POTEE: variants seen among roughly 807,000 people sequenced by gnomAD.
POTEE encodes POTE ankyrin domain family member E, also known as ANKRD26-like family C member 1A.
POTEE carries 21 observed loss-of-function variants against 74.2 expected under a neutral mutation model. The ratio of observed to expected loss-of-function variants is 0.28; its 90% CI spans 0.20 to 0.41. The LOEUF (loss-of-function observed/expected upper bound fraction) is 0.41, where lower values mean the gene tolerates loss of function less well. Ranked by LOEUF, POTEE falls within the 10% of genes least tolerant of loss-of-function variation. POTEE has a pLI of 1.00. For synonymous variants in POTEE, 211 were observed against 432.8 expected, an observed-to-expected ratio of 0.49 and a Z score of 6.36; for missense variants, 525 against 1,158.6, an observed-to-expected ratio of 0.45 and a Z score of 7.94.
At chr2:131,225,197 C>T (rs1291267020) in intron 6 of POTEE, among the ~76,000 whole-genome samples, 5 of 151,988 alleles carry the variant, frequency 3.3e-5, no homozygotes, top group Non-Finnish European at 4.4e-5. Flanking sequence ...TAGGCTTTTT[C>T]TGAATATTTT....
Position 131,262,783 on chromosome 2 carries a change from C to A in POTEE, c.1900-572C>A, listed in dbSNP as rs545364899. Among the ~76,000 whole-genome samples the A allele has an allele frequency of 5.8e-3, 886 of 152,262 alleles. 1 individual carries two copies. Among genetic ancestry groups the A allele is most frequent in the African/African-American group, 0.02 (811 of 41,474 alleles). On this transcript the variant is annotated intron_variant, in intron 17 of 17. Coordinates refer to ENST00000683005, the MANE Select transcript of POTEE (RefSeq NM_001083538.3). Reference sequence around the variant, plus strand: ...AGAAGGGTACAGTGCTTAGATTTGACAGTTATAAATAAATGTAATTCTTAT... The same window carrying A: ...AGAAGGGTACAGTGCTTAGATTTGAAAGTTATAAATAAATGTAATTCTTAT...
chr2:131,258,499 T>G (rs1421301700), intron 16 of POTEE, among the ~76,000 whole-genome samples: 1 of 146,474 alleles, frequency 6.8e-6, no homozygotes, highest in Non-Finnish European at 1.5e-5. Context: ...TATGTGATAG[T>G]CATATTCTGT....
At chr2:131,223,150 A>G (rs977990548) in intron 4 of POTEE, among the ~76,000 whole-genome samples, 24 of 150,712 alleles carry the variant, frequency 1.6e-4, no homozygotes, top group African/African-American at 5.9e-4. Context: ...CTTTAGTGGT[A>G]TTAGTAAAAA....
chr2:131,224,289 A>G (rs1425515922), intron 6 of POTEE, among the ~76,000 whole-genome samples: 3 of 150,492 alleles, frequency 2.0e-5, no homozygotes, highest in African/African-American at 4.9e-5. Context: ...TGAATTTGTA[A>G]AAGATAATAC....
chr2:131,213,043 C>T (rs1329873615), intron 2 of POTEE, among the ~76,000 whole-genome samples: 4 of 151,372 alleles, frequency 2.6e-5, no homozygotes, highest in Non-Finnish European at 4.4e-5. Flanking sequence ...TCACTGCAAC[C>T]CCTGCCTCCT....
chr2:131,236,201 C>T (rs769325822), intron 9 of POTEE, among the ~76,000 whole-genome samples: 8 of 152,042 alleles, frequency 5.3e-5, no homozygotes, highest in Non-Finnish European at 7.4e-5. Context: ...AAAAACAGCT[C>T]GGAGTGAATG....
At chr2:131,224,575 T>C (rs1700724748) in intron 6 of POTEE, among the ~76,000 whole-genome samples, 1 of 151,166 alleles carries the variant, frequency 6.6e-6, no homozygotes, top group South Asian at 2.1e-4. Context: ...AAGGCCAATT[T>C]GGAAATTAGA....
Position 131,210,318 on chromosome 2 carries a change from C to T in POTEE, c.-345+499C>T, listed in dbSNP as rs1211431848. Among the ~76,000 whole-genome samples, 105 of 79,562 alleles carry T rather than the reference C, an allele frequency of 1.3e-3. 1 individual carries two copies. Among genetic ancestry groups the T allele is most frequent in the African/African-American group, 5.4e-3 (98 of 18,204 alleles). 52.2% of individuals were successfully genotyped at this position (79,562 alleles called of 152,430 possible). On this transcript the variant is annotated intron_variant, in intron 1 of 17. Coordinates refer to ENST00000683005, the MANE Select transcript of POTEE (RefSeq NM_001083538.3). ...TGGGCACTATCGGGTGCTACACTGCCTGTGGAAGGGGTGGTTGGGGGGGGG... is the reference window on the plus strand; with the variant it reads ...TGGGCACTATCGGGTGCTACACTGCTTGTGGAAGGGGTGGTTGGGGGGGGG...
Position 131,216,228 on chromosome 2 carries a change from GAA to G in POTEE, c.-188-1356_-188-1355del, listed in dbSNP as rs1700438684. Among the ~76,000 whole-genome samples the G allele has an allele frequency of 2.6e-5, 4 of 151,644 alleles. No homozygotes were observed. In the South Asian group the frequency reaches 8.3e-4, roughly 31 times the overall value. ...AGAAAAAGTCCTATATTTGTCAACT[GAA>G]AAAATTAATATTGTCAAAATTTCAA... On this transcript the variant is annotated intron_variant, in intron 2 of 17. Transcript: ENST00000683005.
intron 3 of POTEE, chr2:131,217,937 TGCACGC>T (rs1700487328): frequency 4.0e-6 from 1 of 249,128 alleles, no homozygotes; most frequent in African/African-American, 2.3e-5. Context: ...ACGCGCATGC[TGCACGC>T]GCTTTAACGG....
intron 2 of POTEE, among the ~76,000 whole-genome samples, chr2:131,212,731 A>C (rs975378779): frequency 2.0e-5 from 3 of 150,702 alleles, no homozygotes; most frequent in African/African-American, 7.4e-5. Context: ...TGCCCAGCTA[A>C]CTTTGTGTTT....
chr2:131,236,967 GT>G (rs1417878969), intron 10 of POTEE, among the ~76,000 whole-genome samples, 165 bp downstream of exon 10: 1 of 139,696 alleles, frequency 7.2e-6, no homozygotes, highest in Non-Finnish European at 1.6e-5. Context: ...AATAAATTCA[GT>G]AATCTCATTA....
rs763149872 is a variant in POTEE, at chr2:131,263,782, T to A, written c.2327T>A (p.Ile776Asn). ...TLKYPMEHGIITNWDDMEKIW... is the reference protein window; with the variant it reads ...TLKYPMEHGINTNWDDMEKIW... ...AAGTACCCCATGGAACACGGCATCATCACCAACTGGGATGACATGGAGAAG... is the reference window on the plus strand; with the variant it reads ...AAGTACCCCATGGAACACGGCATCAACACCAACTGGGATGACATGGAGAAG... Residue 776 changes from isoleucine (I) to asparagine (N), a missense_variant, in exon 18 of 18, where the codon ATC (isoleucine) becomes AAC (asparagine). Transcript: ENST00000683005. 609 of 1,613,384 alleles carry A rather than the reference T, an allele frequency of 3.8e-4. 4 individuals carry two copies. The highest frequency in any genetic ancestry group is 2.6e-3 in the South Asian group (235 of 91,022).
chr2:131,218,123 T>C, intron 3 of POTEE, 187 bp from the exon 4 acceptor site: 1 of 583,250 alleles, frequency 1.7e-6, no homozygotes, highest in Non-Finnish European at 3.0e-6. Flanking sequence ...GGGCTGGGTG[T>C]TTTCTTGGGG....
rs1253470943 is a variant in POTEE at position 131,235,194 on chromosome 2, T to G, written c.1127-1538T>G. On this transcript the variant is annotated intron_variant, in intron 9 of 17. Coordinates refer to ENST00000683005, the MANE Select transcript of POTEE (RefSeq NM_001083538.3). ...TATTTAAGTCTCTGCTTGGGCATGTTTTCTAGAAAAGCCATCCCTGACATG... is the reference window on the plus strand; with the variant it reads ...TATTTAAGTCTCTGCTTGGGCATGTGTTCTAGAAAAGCCATCCCTGACATG... Among the ~76,000 whole-genome samples, 5 of 148,720 alleles carry G rather than the reference T, an allele frequency of 3.4e-5. 1 individual carries two copies. The highest frequency in any genetic ancestry group is 2.1e-4 in the South Asian group (1 of 4,654).
At chr2:131,237,930 C>A (rs1297512465) in intron 10 of POTEE, among the ~76,000 whole-genome samples, 6 of 152,264 alleles carry the variant, frequency 3.9e-5, no homozygotes, top group African/African-American at 1.4e-4. Context: ...CGTTTTTTTT[C>A]TTCCTTGGGC....
chr2:131,223,821 A>G (rs1700700201), intron 5 of POTEE, 49 bp from the exon 6 acceptor site: 2 of 1,529,510 alleles, frequency 1.3e-6, no homozygotes, highest in Non-Finnish European at 1.8e-6. Context: ...GTGGAATGTT[A>G]TTTTGAATTC....
intron 8 of POTEE, chr2:131,229,712 T>C (rs978080993): frequency 3.9e-5 from 6 of 152,198 alleles, no homozygotes; most frequent in Non-Finnish European, 8.8e-5. Context: ...TTCCATATTT[T>C]GTGCAGTCAC....
At chr2:131,223,511 A>T in intron 4 of POTEE, 85 bp from the exon 5 acceptor site, 2 of 1,163,024 alleles carry the variant, frequency 1.7e-6, no homozygotes, top group South Asian at 1.5e-5. Context: ...ATAGCAGGCT[A>T]TTCAGTGTTT....
Sources: gnomAD v4.1 joint callset for allele counts (sites outside exome capture counted in the v4.1 genomes callset) on GRCh38, gnomAD v4.1.1 for gene constraint, MANE v1.5 for transcripts, NCBI Gene and HGNC (gene_info 2026-07-23, HGNC 2026-07-21) for gene names.